FAM13A: variants seen among roughly 807,000 people sequenced by gnomAD.
FAM13A encodes protein FAM13A.
A neutral mutation model predicts 129.6 loss-of-function variants in FAM13A; 76 were observed. The observed-to-expected ratio is 0.59, with a 90% CI of 0.49 to 0.71. The LOEUF (loss-of-function observed/expected upper bound fraction) is 0.71. Ranked by LOEUF, FAM13A falls within the 30% of genes least tolerant of loss-of-function variation. The probability of loss-of-function intolerance (pLI) is 0.00; values close to 1 mark genes in which losing one functional copy is unlikely to be tolerated. For missense variants in FAM13A, 1,108 were observed against 1,249.3 expected (o/e 0.89, Z 1.70); for synonymous variants, 443 against 449.9 (o/e 0.98, Z 0.20).
At chr4:88,876,684 C>T (rs767771493) in intron 6 of FAM13A, among the ~76,000 whole-genome samples, 1 of 152,056 alleles carries the variant, frequency 6.6e-6, no homozygotes, top group South Asian at 2.1e-4. Context: ...CTCTGCCTCC[C>T]GAGTTCATGC....
At chr4:88,861,604 C>A (rs971873233) in intron 6 of FAM13A, among the ~76,000 whole-genome samples, 2 of 152,100 alleles carry the variant, frequency 1.3e-5, no homozygotes, top group Non-Finnish European at 2.9e-5. Context: ...ATTTAATAAG[C>A]ATTTACCAAA....
intron 5 of FAM13A, among the ~76,000 whole-genome samples, chr4:88,913,451 GGAAGAA>G (rs144494414): frequency 6.7e-5 from 9 of 134,144 alleles, no homozygotes; most frequent in Non-Finnish European, 1.3e-4. Context: ...AAGAGGAGGA[GGAAGAA>G]GAAGAAGAGG....
chr4:88,736,621 CTGTA>C (rs1297420883), intron 21 of FAM13A: 1 of 152,034 alleles, frequency 6.6e-6, no homozygotes, highest in African/African-American at 2.4e-5. Flanking sequence ...CTCTAGAGTT[CTGTA>C]TAAGGCAGTC....
At chr4:88,991,293 G>A in intron 3 of FAM13A, 143 bp from the exon 4 acceptor site, 2 of 582,236 alleles carry the variant, frequency 3.4e-6, no homozygotes, top group Non-Finnish European at 5.8e-6. Context: ...TTGACTTTAT[G>A]TTAAAGAATT....
rs980936347 is a variant in FAM13A at position 88,754,323 on chromosome 4, C to T, written c.1727-3686G>A. On this transcript the variant is annotated intron_variant, in intron 14 of 23. Coordinates refer to ENST00000264344, the MANE Select transcript of FAM13A (RefSeq NM_014883.4). ...GTTCCAGTTCAGACACTATAGTACA[C>T]ATGGATATAACGGAAATTTTCTGTA... is the stretch of plus-strand genomic sequence containing the variant. Among the ~76,000 whole-genome samples, 4 of 152,196 alleles carry T rather than the reference C, an allele frequency of 2.6e-5. No individual in the cohort carries two copies. In the East Asian group the frequency reaches 5.8e-4, roughly 22 times the overall value.
Position 88,851,191 on chromosome 4 carries a change from A to T in FAM13A, c.844-8T>A. 1.4e-6 allele frequency: 2 copies of T among 1,389,368 alleles called. No individual in the cohort carries two copies. Among genetic ancestry groups the T allele is most frequent in the South Asian group, 2.9e-5 (2 of 68,258 alleles). 86.1% of individuals were successfully genotyped at this position (1,389,368 alleles called of 1,614,324 possible). A position where few individuals can be genotyped will look rare whatever the true frequency, so the allele number is the denominator to read the frequency against. On this transcript the variant is annotated splice_polypyrimidine_tract_variant and splice_region_variant and intron_variant, in intron 6 of 23. Coordinates refer to ENST00000264344, the MANE Select transcript of FAM13A (RefSeq NM_014883.4). ...ACTCCTGGATTTTGGGATCTAGAAG[A>T]AAAAAAAAAGAGGGGTGGGGGAGAG...
At chr4:89,041,358 A>G (rs964209700) in intron 1 of FAM13A, among the ~76,000 whole-genome samples, 3 of 152,328 alleles carry the variant, frequency 2.0e-5, no homozygotes, top group South Asian at 2.1e-4. Context: ...AAATATGTAC[A>G]AACATTATGT....
chr4:88,942,699 C>T (rs759981509), intron 4 of FAM13A, among the ~76,000 whole-genome samples: 6 of 151,996 alleles, frequency 3.9e-5, no homozygotes, highest in Non-Finnish European at 7.4e-5. Flanking sequence ...GACGGTAAAG[C>T]CCACCTGACT....
intron 7 of FAM13A, among the ~76,000 whole-genome samples, chr4:88,837,809 CT>C (rs1294876152): frequency 1.3e-5 from 2 of 149,920 alleles, no homozygotes; most frequent in African/African-American, 4.9e-5. Context: ...AAAAGTCTTC[CT>C]TTTTCAGTTA....
chr4:88,766,841 A>C (rs924286620), intron 13 of FAM13A, among the ~76,000 whole-genome samples: 22 of 152,338 alleles, frequency 1.4e-4, no homozygotes, highest in African/African-American at 4.6e-4. Context: ...GGTTAAGAAA[A>C]ACTTTAATTC....
At chr4:88,898,077 C>G (rs909564313) in intron 6 of FAM13A, among the ~76,000 whole-genome samples, 2 of 152,222 alleles carry the variant, frequency 1.3e-5, no homozygotes, top group African/African-American at 4.8e-5. Flanking sequence ...AATTATGATT[C>G]TTTACATAAA....
At chr4:88,897,432 A>G (rs960281550) in intron 6 of FAM13A, among the ~76,000 whole-genome samples, 2 of 152,198 alleles carry the variant, frequency 1.3e-5, no homozygotes, top group African/African-American at 4.8e-5. Context: ...AGGAAAAGAA[A>G]TATAACACTT....
At chr4:88,864,166 A>T (rs1256065101) in intron 6 of FAM13A, among the ~76,000 whole-genome samples, 1 of 152,230 alleles carries the variant, frequency 6.6e-6, no homozygotes. Flanking sequence ...TGAAAGGTAA[A>T]AAGAGAAGTA....
chr4:89,031,986 G>A (rs915658595), intron 1 of FAM13A, among the ~76,000 whole-genome samples: 20 of 152,082 alleles, frequency 1.3e-4, no homozygotes, highest in Non-Finnish European at 2.5e-4. Flanking sequence ...TTGGGAGGCC[G>A]AGGTGGGCGG....
intron 10 of FAM13A, among the ~76,000 whole-genome samples, chr4:88,785,368 C>A (rs746315603): frequency 6.6e-6 from 1 of 151,944 alleles, no homozygotes; most frequent in Non-Finnish European, 1.5e-5. Flanking sequence ...TATACTATGA[C>A]GAACTCTTGA....
intron 1 of FAM13A, among the ~76,000 whole-genome samples, chr4:89,050,596 C>G (rs920700807): frequency 6.6e-6 from 1 of 151,956 alleles, no homozygotes; most frequent in Non-Finnish European, 1.5e-5. Flanking sequence ...GAAAACCTAA[C>G]TGTAGTCTGC....
At position 88,851,111 on chromosome 4, in the gene FAM13A, G is replaced by A. The variant is rs1436237114; in HGVS notation, c.916C>T (p.Pro306Ser). ...TAACTTAGCCGCAAGCTGAGCTGAG[G>A]AATGCCATCAGATAGCTCTGGTTGC... is the stretch of plus-strand genomic sequence containing the variant. The part of the protein sequence containing the change: ...VLQPELSDGI[P>S]QLSLRLSYRK... The change falls in exon 7 of 24, where the codon CCT becomes TCT. Residue 306 changes from proline to serine, a missense_variant. Transcript: ENST00000264344. 10 of 1,613,524 alleles carry A rather than the reference G, an allele frequency of 6.2e-6. No individual in the cohort carries two copies. The highest frequency in any genetic ancestry group is 2.7e-5 in the African/African-American group (2 of 74,768).
intron 3 of FAM13A, among the ~76,000 whole-genome samples, chr4:88,997,686 C>T (rs1230867820): frequency 6.6e-6 from 1 of 152,046 alleles, no homozygotes. Context: ...TTTCAATGAC[C>T]ATGAAGTTAT....
intron 1 of FAM13A, among the ~76,000 whole-genome samples, chr4:89,032,576 G>A (rs1056519263): frequency 1.3e-5 from 2 of 152,164 alleles, no homozygotes; most frequent in African/African-American, 4.8e-5. Context: ...CAGATCTCCT[G>A]AGTTTTATAC....
Sources: gnomAD v4.1 joint callset for allele counts (sites outside exome capture counted in the v4.1 genomes callset) on GRCh38, gnomAD v4.1.1 for gene constraint, MANE v1.5 for transcripts, NCBI Gene and HGNC (gene_info 2026-07-23, HGNC 2026-07-21) for gene names.